Variants in CADM2 observed in about 807,000 individuals in gnomAD.
The protein encoded by CADM2 is cell adhesion molecule 2.
In CADM2, 12 loss-of-function variants were observed where a neutral mutation model predicts 49.8. That is an observed-to-expected ratio of 0.24 (90% CI 0.15 to 0.39). The LOEUF (loss-of-function observed/expected upper bound fraction) is 0.39, where lower values mean the gene tolerates loss of function less well. CADM2 is among the 10% of genes least tolerant of loss of function. CADM2 has a pLI of 1.00. For missense variants in CADM2, 378 were observed against 492.3 expected, an observed-to-expected ratio of 0.77 and a Z score of 2.20; for synonymous variants, 214 against 175.4, an observed-to-expected ratio of 1.22 and a Z score of -1.74.
chr3:85,326,771 C>T (rs1457177520), intron 1 of CADM2, among the ~76,000 whole-genome samples: 1 of 152,070 alleles, frequency 6.6e-6, no homozygotes, highest in Non-Finnish European at 1.5e-5. Context: ...TCCTGGGAAA[C>T]TTAAACACTG....
chr3:85,944,775 CAT>C lies in CADM2; in HGVS notation c.791+8919_791+8920del, dbSNP rs538802561. 3.8e-3 allele frequency among the ~76,000 whole-genome samples: 578 copies of C among 152,050 alleles called. 1 individual carries two copies. The highest frequency in any genetic ancestry group is 5.3e-3 in the Non-Finnish European group (362 of 67,960). On this transcript the variant is annotated intron_variant, in intron 7 of 9. Transcript: ENST00000383699. The stretch of plus-strand genomic sequence containing the variant: ...CAGAATATCTGGGACACATTTAAAA[CAT>C]GTGTGTAGAGGGAAATTTATAGCAC...
intron 1 of CADM2, among the ~76,000 whole-genome samples, chr3:85,239,743 A>C: frequency 6.6e-6 from 1 of 151,508 alleles, no homozygotes; most frequent in East Asian, 1.9e-4. Context: ...GGCCAAAGAT[A>C]CTGAAAATAT....
At chr3:85,671,121 G>T (rs952717817) in intron 1 of CADM2, among the ~76,000 whole-genome samples, 11 of 152,156 alleles carry the variant, frequency 7.2e-5, no homozygotes, top group African/African-American at 2.7e-4. Context: ...AGTTCCTGGA[G>T]GTAAATAATG....
intron 3 of CADM2, among the ~76,000 whole-genome samples, chr3:85,810,101 A>G (rs140048496): frequency 3.3e-5 from 5 of 152,182 alleles, no homozygotes; most frequent in Non-Finnish European, 7.4e-5. Context: ...AGAACATCCT[A>G]CTTTGGTGTC....
chr3:85,427,599 C>T (rs144469104), intron 1 of CADM2, among the ~76,000 whole-genome samples: 1 of 152,138 alleles, frequency 6.6e-6, no homozygotes, highest in Non-Finnish European at 1.5e-5. Flanking sequence ...GCAGGTATTG[C>T]TTGTGTTTGA....
intron 1 of CADM2, among the ~76,000 whole-genome samples, chr3:85,202,621 G>A (rs2041533593): frequency 6.6e-6 from 1 of 152,054 alleles, no homozygotes; most frequent in Admixed American, 6.6e-5. Context: ...AATTCTTAAA[G>A]GCACTAGGAT....
intron 3 of CADM2, among the ~76,000 whole-genome samples, chr3:85,828,782 T>C (rs2074044265): frequency 6.6e-6 from 1 of 151,964 alleles, no homozygotes; most frequent in South Asian, 2.1e-4. Context: ...CTTCAGTGCA[T>C]TGCAAGTTCT....
intron 6 of CADM2, among the ~76,000 whole-genome samples, chr3:85,933,179 A>T (rs566874189): frequency 1.3e-5 from 2 of 152,182 alleles, no homozygotes; most frequent in African/African-American, 4.8e-5. Flanking sequence ...TGACAAGGGC[A>T]AAAGTGCCTA....
intron 1 of CADM2, among the ~76,000 whole-genome samples, chr3:85,657,207 G>A (rs2065227090): frequency 6.6e-6 from 1 of 152,060 alleles, no homozygotes; most frequent in Non-Finnish European, 1.5e-5. Flanking sequence ...ATACAGATAT[G>A]GAGAACTCAA....
chr3:85,369,780 G>T (rs1442711009), intron 1 of CADM2, among the ~76,000 whole-genome samples: 1 of 152,080 alleles, frequency 6.6e-6, no homozygotes, highest in Non-Finnish European at 1.5e-5. Context: ...ATAATCTGCT[G>T]ACTTTATTAC....
chr3:85,827,216 A>G (rs1030839230), intron 3 of CADM2, among the ~76,000 whole-genome samples: 1 of 152,020 alleles, frequency 6.6e-6, no homozygotes, highest in African/African-American at 2.4e-5. Context: ...TTTTTGAAAA[A>G]CATAATATGA....
At chr3:85,701,967 TAGACATAGATAGATAG>T (rs2066780684) in intron 1 of CADM2, among the ~76,000 whole-genome samples, 1 of 113,578 alleles carries the variant, frequency 8.8e-6, no homozygotes, top group Non-Finnish European at 1.8e-5. Flanking sequence ...TGTAGATAGA[TAGACATAGATAGATAG>T]ATAGATAGAT....
chr3:85,790,648 C>T (rs1372489557), intron 2 of CADM2, among the ~76,000 whole-genome samples: 1 of 152,168 alleles, frequency 6.6e-6, no homozygotes, highest in Admixed American at 6.5e-5. Flanking sequence ...GGGCTGCTCA[C>T]AATGGCCATA....
intron 1 of CADM2, among the ~76,000 whole-genome samples, chr3:85,377,038 C>A (rs570573900): frequency 2.0e-5 from 3 of 152,120 alleles, no homozygotes; most frequent in African/African-American, 7.2e-5. Flanking sequence ...AGAATCTGAC[C>A]TAGTTTACAT....
chr3:85,462,690 T>C (rs1244691920), intron 1 of CADM2, among the ~76,000 whole-genome samples: 2 of 152,176 alleles, frequency 1.3e-5, no homozygotes, highest in African/African-American at 4.8e-5. Context: ...AACTTTTATA[T>C]TGAAAAATTC....
intron 1 of CADM2, among the ~76,000 whole-genome samples, chr3:85,014,518 A>G (rs2034158207): frequency 6.6e-6 from 1 of 152,182 alleles, no homozygotes; most frequent in Non-Finnish European, 1.5e-5. Context: ...TCTTGGTTTC[A>G]GGCATCTCCT....
intron 8 of CADM2, among the ~76,000 whole-genome samples, chr3:85,979,872 C>T (rs191756226): frequency 5.3e-5 from 8 of 151,634 alleles, no homozygotes; most frequent in Admixed American, 4.0e-4. Flanking sequence ...TATCTGTTGT[C>T]TCAGATGGCT....
chr3:85,917,534 T>A (rs1718519713), intron 6 of CADM2, among the ~76,000 whole-genome samples: 2 of 152,178 alleles, frequency 1.3e-5, no homozygotes, highest in African/African-American at 4.8e-5. Context: ...TATATCTCTG[T>A]TTTGGTACCA....
At chr3:85,215,358 TAA>T (rs955035192) in intron 1 of CADM2, among the ~76,000 whole-genome samples, 10 of 80,942 alleles carry the variant, frequency 1.2e-4, no homozygotes, top group African/African-American at 2.2e-4. Flanking sequence ...CTCTCTTTTT[TAA>T]AAAAAAAAAA....
Sources: allele counts gnomAD v4.1 joint callset (sites outside exome capture counted in the v4.1 genomes callset), GRCh38; gene constraint gnomAD v4.1.1; transcripts MANE v1.5; gene names NCBI Gene and HGNC (gene_info 2026-07-23, HGNC 2026-07-21).